Variants in LEMD2 observed in about 807,000 individuals in gnomAD.
LEMD2 encodes LEM domain nuclear envelope protein 2.
Under a neutral mutation model 58.8 loss-of-function variants are expected in LEMD2, and 34 were observed. That is an observed-to-expected ratio of 0.58 (90% CI 0.44 to 0.77). The LOEUF (loss-of-function observed/expected upper bound fraction) is 0.77, where lower values mean the gene tolerates loss of function less well. Ranked by LOEUF, LEMD2 falls within the 30% of genes least tolerant of loss-of-function variation. The pLI, the probability that LEMD2 is intolerant of heterozygous loss-of-function variation, is 0.00. For synonymous variants in LEMD2, 298 were observed against 308.9 expected (o/e 0.96, Z 0.37); for missense variants, 629 against 717.9 (o/e 0.88, Z 1.42).
chr6:33,788,833 C>G lies in LEMD2; in HGVS notation c.284G>C (p.Gly95Ala), dbSNP rs1256069496. ...AEPWLSQPAS[G>A]SAYATPGAYG... Reference sequence around the variant, plus strand: ...GGCCCCAGGGGTCGCGTAGGCCGAGCCCGAGGCCGGCTGGGAGAGCCAGGG... The same window carrying G: ...GGCCCCAGGGGTCGCGTAGGCCGAGGCCGAGGCCGGCTGGGAGAGCCAGGG... The change falls in exon 1 of 9, where the codon GGC (glycine) becomes GCC (alanine). Residue 95 changes from glycine (G) to alanine (A), a missense_variant. This residue lies in a region of LEMD2 where 386 missense variants were observed against 381.1 expected (regional missense o/e 1.01). Transcript: ENST00000293760. 28 of 1,420,810 alleles carry G rather than the reference C, an allele frequency of 2.0e-5. No individual in the cohort carries two copies. The highest frequency in any genetic ancestry group is 2.6e-5 in the Non-Finnish European group (28 of 1,090,594). The allele number at this position is 1,420,810 out of a possible 1,614,324, so 88.0% of individuals were successfully genotyped here.
rs769718294 is a variant in LEMD2, at chr6:33,788,964, CCGCAGCCGCTCCTCGTCG to C, written c.135_152del (p.Asp46_Arg51del). The C allele has an allele frequency of 2.6e-6, 4 of 1,530,458 alleles. No homozygotes were observed. The highest frequency in any genetic ancestry group is 1.2e-5 in the South Asian group (1 of 83,524). 94.8% of individuals were successfully genotyped at this position (1,530,458 alleles called of 1,614,324 possible). A position where few individuals can be genotyped will look rare whatever the true frequency, so the allele number is the denominator to read the frequency against. On this transcript the variant is annotated inframe_deletion, in exon 1 of 9. Transcript: ENST00000293760. ...CCTCGCCCCGCGGCCGGGCCTCCTC[CCGCAGCCGCTCCTCGTCG>C]CGCAGCCGGGCCTCGCCCCGCAGGC...
At chr6:33,784,750 C>T (rs947949052) in intron 2 of LEMD2, 6 of 241,336 alleles carry the variant, frequency 2.5e-5, no homozygotes, top group South Asian at 6.8e-5. Flanking sequence ...GCAGAGGCGA[C>T]GTGGTCGGGG....
At position 33,788,886 on chromosome 6, in the gene LEMD2, C is replaced by A; in HGVS notation, c.231G>T (p.Arg77=). Residue 77 remains arginine (R), a synonymous_variant, in exon 1 of 9, where the codon CGG becomes CGT. Transcript: ENST00000293760. ...CCGCCCGCGGAGAGGCCGCGGCGGGCCGGGCGCGCAGCGGCGCATCCTCGC... is the reference window on the plus strand; with the variant it reads ...CCGCCCGCGGAGAGGCCGCGGCGGGACGGGCGCGCAGCGGCGCATCCTCGC... ...RLREDAPLRA[R]PAAASPRAEP... 1 of 1,379,270 alleles carries A rather than the reference C, an allele frequency of 7.3e-7. No individual in the cohort carries two copies. 85.4% of individuals were successfully genotyped at this position (1,379,270 alleles called of 1,614,324 possible).
intron 3 of LEMD2, among the ~76,000 whole-genome samples, chr6:33,783,753 G>GACT (rs1416280249): frequency 6.6e-6 from 1 of 152,212 alleles, no homozygotes; most frequent in Non-Finnish European, 1.5e-5. Context: ...CCCTCCTTTA[G>GACT]AGGACAGCAC....
intron 6 of LEMD2, among the ~76,000 whole-genome samples, chr6:33,777,999 G>A (rs1767476484): frequency 6.6e-6 from 1 of 152,230 alleles, no homozygotes; most frequent in Admixed American, 6.5e-5. Context: ...AAATCTGACA[G>A]TCCCCTGCCC....
Position 33,789,083 on chromosome 6 carries a change from C to T in LEMD2, c.34G>A (p.Glu12Lys). The T allele has an allele frequency of 1.9e-6, 3 of 1,541,914 alleles. No homozygotes were observed. Among genetic ancestry groups the T allele is most frequent in the Non-Finnish European group, 2.6e-6 (3 of 1,153,852 alleles). ...AGLSDLELRR[E>K]LQALGFQPGP... is the part of the protein sequence containing the mutation. ...GGCTGGAAGCCCAGGGCCTGCAGCT[C>T]CCGCCGCAGTTCCAGGTCCGACAGG... The change falls in exon 1 of 9, where the codon GAG (glutamate) becomes AAG (lysine). Residue 12 changes from glutamate to lysine, a missense_variant. By Grantham distance (56) the Glu-to-Lys change is moderately conservative. Coordinates refer to ENST00000293760, the MANE Select transcript of LEMD2 (RefSeq NM_181336.4).
chr6:33,781,177 G>A, intron 3 of LEMD2, 24 bp from the exon 4 acceptor site: 4 of 1,442,902 alleles, frequency 2.8e-6, no homozygotes, highest in African/African-American at 1.4e-5. Flanking sequence ...AACCACACAT[G>A]CTCAAACACA....
At chr6:33,773,068 G>T (rs1046150969) in intron 8 of LEMD2, among the ~76,000 whole-genome samples, 2 of 152,228 alleles carry the variant, frequency 1.3e-5, no homozygotes, top group African/African-American at 2.4e-5. Flanking sequence ...TGCTAGGCTA[G>T]CTGACTCTTG....
In LEMD2 at chr6:33,788,683, G is replaced by C; in HGVS notation, c.434C>G (p.Ala145Gly). 4 of 1,344,900 alleles carry C rather than the reference G, an allele frequency of 3.0e-6. No homozygotes were observed. The highest frequency in any genetic ancestry group is 3.8e-6 in the Non-Finnish European group (4 of 1,047,452). The allele number at this position is 1,344,900 out of a possible 1,614,324, so 83.3% of individuals were successfully genotyped here. A position where few individuals can be genotyped will look rare whatever the true frequency, so the allele number is the denominator to read the frequency against. ...CTGCGTGGCCCTGTCGGGCGTCCGG[G>C]CGTCCTCGTCCTCCTCGGAGCTGCC... ...VRGSSEEDED[A>G]RTPDRATQGP... Residue 145 changes from alanine (A) to glycine (G), a missense_variant, in exon 1 of 9, where the codon GCC (alanine) becomes GGC (glycine). By Grantham distance (60) the Ala-to-Gly change is moderately conservative. Transcript: ENST00000293760.
chr6:33,775,983 G>T (rs1413961305), intron 8 of LEMD2, among the ~76,000 whole-genome samples: 2 of 151,622 alleles, frequency 1.3e-5, no homozygotes, highest in Admixed American at 6.6e-5. Flanking sequence ...AGCCAACACT[G>T]GGGGGGGCCC....
Position 33,788,268 on chromosome 6 carries a change from CAG to C in LEMD2, c.736+111_736+112del, listed in dbSNP as rs779829393. 1.2e-4 allele frequency: 132 copies of C among 1,123,074 alleles called. No homozygotes were observed. The Middle Eastern group carries it at 1.8e-3, about 16-fold the overall frequency. 69.6% of individuals were successfully genotyped at this position (1,123,074 alleles called of 1,614,324 possible). On this transcript the variant is annotated intron_variant, in intron 1 of 8. Coordinates refer to ENST00000293760, the MANE Select transcript of LEMD2 (RefSeq NM_181336.4). ...GCAGGCCTGGAAATGAGAAGACAGTCAGAGGCAGCTGACAAGGCCGGAAGTGC... is the reference window on the plus strand; with the variant it reads ...GCAGGCCTGGAAATGAGAAGACAGTCAGGCAGCTGACAAGGCCGGAAGTGC...
intron 2 of LEMD2, among the ~76,000 whole-genome samples, chr6:33,785,490 A>T (rs1041859725): frequency 6.6e-6 from 1 of 152,212 alleles, no homozygotes. Flanking sequence ...ACTCAAGTGG[A>T]GCCTGAGTGT....
chr6:33,789,126 GCCGCCCCCCGC>G (rs749498420), exon 1 of LEMD2: 23 of 1,493,004 alleles, frequency 1.5e-5, no homozygotes, highest in Admixed American at 7.0e-5. Flanking sequence ...TGGCCAGGAC[GCCGCCCCCCGC>G]CCGCCCCTGG....
In LEMD2 at chr6:33,788,377, G is replaced by A. The variant is rs779616382; in HGVS notation, c.736+4C>T. On this transcript the variant is annotated splice_donor_region_variant and intron_variant, in intron 1 of 8. Coordinates refer to ENST00000293760, the MANE Select transcript of LEMD2 (RefSeq NM_181336.4). ...GCCCTCCCCTGCGCCGGCCCAGGAC[G>A]TACTGTTGTCCTCCGCCTCCTGCGG... 3.7e-5 allele frequency: 58 copies of A among 1,568,744 alleles called. 1 individual carries two copies. The highest frequency in any genetic ancestry group is 2.8e-5 in the Non-Finnish European group (33 of 1,159,444).
intron 1 of LEMD2, 137 bp downstream of exon 1, chr6:33,788,244 C>G: frequency 1.1e-6 from 1 of 903,748 alleles, no homozygotes; most frequent in Non-Finnish European, 1.6e-6. Flanking sequence ...TGGAAGAAGG[C>G]AGGCCTGGAA....
chr6:33,773,542 C>T (rs572766357), intron 8 of LEMD2, among the ~76,000 whole-genome samples: 2 of 150,874 alleles, frequency 1.3e-5, no homozygotes, highest in South Asian at 2.1e-4. Flanking sequence ...TGAGTGTGTA[C>T]GCATGGGAGC....
intron 8 of LEMD2, among the ~76,000 whole-genome samples, chr6:33,776,378 T>C (rs911468100): frequency 2.0e-5 from 3 of 152,180 alleles, no homozygotes; most frequent in Admixed American, 6.5e-5. Context: ...AGTGTGTCAC[T>C]GGAGGCTACT....
At chr6:33,772,843 C>A in intron 8 of LEMD2, 65 bp from the exon 9 acceptor site, 1 of 1,431,108 alleles carries the variant, frequency 7.0e-7, no homozygotes, top group South Asian at 1.3e-5. Flanking sequence ...GGATGCCCCT[C>A]CTACAAAGGG....
chr6:33,783,765 T>G (rs1297084968), intron 3 of LEMD2, among the ~76,000 whole-genome samples: 2 of 152,204 alleles, frequency 1.3e-5, no homozygotes, highest in African/African-American at 4.8e-5. Flanking sequence ...GGACAGCACT[T>G]GACTCTCATT....
Sources: allele counts gnomAD v4.1 joint callset (sites outside exome capture counted in the v4.1 genomes callset), GRCh38; gene constraint gnomAD v4.1.1; regional missense constraint gnomAD v4.1.1; transcripts MANE v1.5; gene names NCBI Gene and HGNC (gene_info 2026-07-23, HGNC 2026-07-21).